Variants in PRPSAP2 observed in about 807,000 individuals in gnomAD.
PRPSAP2 encodes the protein phosphoribosyl pyrophosphate synthase-associated protein 2.
Under a neutral mutation model 40.6 loss-of-function variants are expected in PRPSAP2, and 24 were observed. The observed-to-expected ratio is 0.59, with a 90% confidence interval of 0.43 to 0.83. PRPSAP2 has a LOEUF of 0.83. PRPSAP2 is among the 40% of genes least tolerant of loss of function. PRPSAP2 has a pLI of 0.00. For missense variants in PRPSAP2, 292 were observed against 465.6 expected, an observed-to-expected ratio of 0.63 and a Z score of 3.43; for synonymous variants, 149 against 164.7, an observed-to-expected ratio of 0.90 and a Z score of 0.73.
chr17:18,889,816 T>A lies in PRPSAP2; in HGVS notation c.529-6T>A. ...GCAGTAATACCTGACTTCTTGTCTG[T>A]CACAGATCCCAGATTACAGGAATGC... On this transcript the variant is annotated splice_polypyrimidine_tract_variant and splice_region_variant and intron_variant, in intron 7 of 11. Coordinates refer to ENST00000268835, the MANE Select transcript of PRPSAP2 (RefSeq NM_002767.4). 1.2e-6 allele frequency: 2 copies of A among 1,606,570 alleles called. No homozygotes were observed. The highest frequency in any genetic ancestry group is 1.7e-6 in the Non-Finnish European group (2 of 1,176,238).
Position 18,877,736 on chromosome 17 carries a change from T to C in PRPSAP2, c.278T>C (p.Val93Ala), listed in dbSNP as rs2038407984. 2 of 1,612,200 alleles carry C rather than the reference T, an allele frequency of 1.2e-6. No individual in the cohort carries two copies. The highest frequency in any genetic ancestry group is 1.7e-6 in the Non-Finnish European group (2 of 1,179,510). Residue 93 changes from valine (V) to alanine (A), a missense_variant, in exon 6 of 12, where the codon GTG (valine) becomes GCG (alanine). Val to Ala is a moderately conservative substitution (Grantham distance 64, BLOSUM62 0). Coordinates refer to ENST00000268835, the MANE Select transcript of PRPSAP2 (RefSeq NM_002767.4). Reference sequence around the variant, plus strand: ...ACCATCATGGAGCTCCTGATCATGGTGTATGCATGTAAGACCTCTTGTGCC... The same window carrying C: ...ACCATCATGGAGCTCCTGATCATGGCGTATGCATGTAAGACCTCTTGTGCC... ...NTTIMELLIM[V>A]YACKTSCAKS...
At chr17:18,891,893 G>T (rs1486851799) in intron 8 of PRPSAP2, among the ~76,000 whole-genome samples, 1 of 152,236 alleles carries the variant, frequency 6.6e-6, no homozygotes, top group Non-Finnish European at 1.5e-5. Context: ...ATCTTACTCT[G>T]TTGCCGAGGC....
chr17:18,913,691 G>A (rs2041112281), intron 9 of PRPSAP2, among the ~76,000 whole-genome samples: 1 of 151,156 alleles, frequency 6.6e-6, no homozygotes, highest in African/African-American at 2.4e-5. Flanking sequence ...GGAACTACAA[G>A]CACTTGCCAC....
chr17:18,882,105 C>T (rs2038800493), intron 6 of PRPSAP2, among the ~76,000 whole-genome samples: 1 of 151,786 alleles, frequency 6.6e-6, no homozygotes, highest in African/African-American at 2.4e-5. Flanking sequence ...TCCCAAAGTG[C>T]TGGGATTACA....
intron 1 of PRPSAP2, among the ~76,000 whole-genome samples, chr17:18,864,607 TAGGG>T (rs2037296846): frequency 1.3e-5 from 2 of 151,998 alleles, no homozygotes; most frequent in South Asian, 4.1e-4. Context: ...CAGGTTTTTA[TAGGG>T]AGGATGTGTT....
At chr17:18,871,690 C>T (rs1164358300) in intron 4 of PRPSAP2, among the ~76,000 whole-genome samples, 2 of 122,878 alleles carry the variant, frequency 1.6e-5, no homozygotes, top group South Asian at 2.9e-4. Context: ...GACGGAGTTT[C>T]GCTCTTGTTG....
At chr17:18,858,988 TACTC>T (rs2036805830) in intron 1 of PRPSAP2, among the ~76,000 whole-genome samples, 1 of 152,226 alleles carries the variant, frequency 6.6e-6, no homozygotes, top group Non-Finnish European at 1.5e-5. Flanking sequence ...GTACCATTAT[TACTC>T]AGTTGTGATT....
chr17:18,928,902 A>G lies in PRPSAP2; in HGVS notation c.896A>G (p.His299Arg). 1 of 1,614,164 alleles carries G rather than the reference A, an allele frequency of 6.2e-7. No homozygotes were observed. The change falls in exon 11 of 12, where the codon CAT becomes CGT. Residue 299 changes from histidine to arginine, a missense_variant. His to Arg is a conservative substitution (Grantham distance 29). Transcript: ENST00000268835. ...TATAAGATCTTTGTGATGGCAACTC[A>G]TGGCTTGTTGTCTTCTGACGCCCCC... ...GAYKIFVMAT[H>R]GLLSSDAPRR...
intron 8 of PRPSAP2, among the ~76,000 whole-genome samples, chr17:18,907,107 G>T (rs2040643101): frequency 6.6e-6 from 1 of 152,050 alleles, no homozygotes; most frequent in Admixed American, 6.6e-5. Flanking sequence ...TAAGCAGTTA[G>T]TTAAGAACTT....
intron 7 of PRPSAP2, among the ~76,000 whole-genome samples, chr17:18,885,482 C>G (rs1353846389): frequency 1.5e-5 from 2 of 134,506 alleles, no homozygotes; most frequent in African/African-American, 2.7e-5. Context: ...TTGCTTTTTT[C>G]TTTTTTTTGG....
chr17:18,905,946 A>G (rs576108209), intron 8 of PRPSAP2, among the ~76,000 whole-genome samples: 13 of 152,342 alleles, frequency 8.5e-5, no homozygotes, highest in Non-Finnish European at 1.6e-4. Flanking sequence ...TCAAAGTTAT[A>G]TGAATACTAA....
intron 1 of PRPSAP2, chr17:18,859,398 A>G (rs1308257886): frequency 6.6e-6 from 1 of 152,224 alleles, no homozygotes; most frequent in Admixed American, 6.5e-5. Context: ...TGTGCAGCCC[A>G]CTGTTGCATA....
chr17:18,857,378 A>C (rs1057305233), upstream of PRPSAP2, among the ~76,000 whole-genome samples: 3 of 150,724 alleles, frequency 2.0e-5, no homozygotes, highest in African/African-American at 7.3e-5. Flanking sequence ...ATCATTTATT[A>C]TACACCCAGA....
At chr17:18,926,997 G>T (rs1352856024) in intron 10 of PRPSAP2, among the ~76,000 whole-genome samples, 4 of 152,164 alleles carry the variant, frequency 2.6e-5, no homozygotes, top group Admixed American at 2.0e-4. Flanking sequence ...AGACTAGGTT[G>T]TTTATAAAGA....
chr17:18,927,980 C>T (rs2042057910), intron 10 of PRPSAP2, among the ~76,000 whole-genome samples: 1 of 151,982 alleles, frequency 6.6e-6, no homozygotes, highest in African/African-American at 2.4e-5. Flanking sequence ...GACTGGGTTT[C>T]GTCATGTTGC....
chr17:18,906,203 A>ATTGTTTGT (rs112612533), intron 8 of PRPSAP2, among the ~76,000 whole-genome samples: 40 of 151,796 alleles, frequency 2.6e-4, no homozygotes, highest in Middle Eastern at 3.4e-3. Context: ...TGTGTCTGAG[A>ATTGTTTGT]TTGTTTGTTT....
chr17:18,895,305 C>T (rs2039850081), intron 8 of PRPSAP2, among the ~76,000 whole-genome samples: 1 of 151,538 alleles, frequency 6.6e-6, no homozygotes, highest in Non-Finnish European at 1.5e-5. Context: ...GACTGTGTTG[C>T]CTAGGCTGGT....
intron 8 of PRPSAP2, among the ~76,000 whole-genome samples, chr17:18,896,409 A>G (rs1191419110): frequency 6.6e-6 from 1 of 152,068 alleles, no homozygotes; most frequent in East Asian, 1.9e-4. Flanking sequence ...CAATTCTCCC[A>G]GCAGCTTACA....
chr17:18,894,742 C>T (rs2039811462), intron 8 of PRPSAP2, among the ~76,000 whole-genome samples: 1 of 152,148 alleles, frequency 6.6e-6, no homozygotes, highest in African/African-American at 2.4e-5. Context: ...CTCAGTCTCC[C>T]AAAGTGCTGG....
Sources: allele counts gnomAD v4.1 joint callset (sites outside exome capture counted in the v4.1 genomes callset), GRCh38; gene constraint gnomAD v4.1.1; transcripts MANE v1.5; gene names NCBI Gene and HGNC (gene_info 2026-07-23, HGNC 2026-07-21).